The following THSD7B variants were observed in gnomAD, a reference collection of about 807,000 sequenced individuals.
The protein encoded by THSD7B is thrombospondin type-1 domain-containing protein 7B.
Under a neutral mutation model 213.6 loss-of-function variants are expected in THSD7B, and 138 were observed. The ratio of observed to expected loss-of-function variants is 0.65; its 90% confidence interval spans 0.56 to 0.74. The LOEUF (loss-of-function observed/expected upper bound fraction) is 0.74, where lower values mean the gene tolerates loss of function less well. Among genes scored for constraint, THSD7B ranks in the 30% least tolerant of loss-of-function variants. The pLI, the probability that THSD7B is intolerant of heterozygous loss-of-function variation, is 0.00. For missense variants in THSD7B, 1,931 were observed against 1,991.5 expected (o/e 0.97, Z 0.58); for synonymous variants, 742 against 687.0 (o/e 1.08, Z -1.25).
intron 1 of THSD7B, among the ~76,000 whole-genome samples, chr2:136,860,118 C>T (rs768597608): frequency 7.5e-5 from 11 of 146,328 alleles, no homozygotes; most frequent in African/African-American, 1.3e-4. Flanking sequence ...CCCGGGTTCA[C>T]GCCATTCTCC....
chr2:137,362,452 A>T (rs1685287610), intron 12 of THSD7B, among the ~76,000 whole-genome samples: 1 of 152,190 alleles, frequency 6.6e-6, no homozygotes, highest in African/African-American at 2.4e-5. Flanking sequence ...TTGGATAAAG[A>T]GTCAAGACCC....
At chr2:137,039,995 C>T (rs1319423411) in intron 2 of THSD7B, among the ~76,000 whole-genome samples, 1 of 152,174 alleles carries the variant, frequency 6.6e-6, no homozygotes, top group Non-Finnish European at 1.5e-5. Context: ...ACCTCTGCTC[C>T]TTCCCCACTG....
At chr2:137,498,166 A>G (rs930309338) in intron 15 of THSD7B, among the ~76,000 whole-genome samples, 4 of 152,208 alleles carry the variant, frequency 2.6e-5, no homozygotes, top group African/African-American at 9.6e-5. Context: ...GATAAGTGTG[A>G]AATTAAATTA....
intron 2 of THSD7B, among the ~76,000 whole-genome samples, chr2:136,949,741 G>A (rs1281340705): frequency 6.6e-6 from 1 of 152,146 alleles, no homozygotes; most frequent in East Asian, 1.9e-4. Context: ...CTGTGATGAG[G>A]CCTGAGAATA....
At chr2:136,878,183 T>A (rs2104987780) in intron 1 of THSD7B, among the ~76,000 whole-genome samples, 1 of 152,326 alleles carries the variant, frequency 6.6e-6, no homozygotes, top group South Asian at 2.1e-4. Flanking sequence ...TGGTTTTTTG[T>A]CCTTGCAATA....
chr2:137,346,478 T>TC (rs1684878676), intron 12 of THSD7B, among the ~76,000 whole-genome samples: 1 of 147,554 alleles, frequency 6.8e-6, no homozygotes, highest in African/African-American at 2.5e-5. Flanking sequence ...TAATATTCCA[T>TC]TCTCTCTCTC....
chr2:137,269,369 G>A (rs569957551), intron 10 of THSD7B, among the ~76,000 whole-genome samples: 9 of 152,318 alleles, frequency 5.9e-5, no homozygotes, highest in African/African-American at 2.2e-4. Flanking sequence ...CTGTATGCGA[G>A]TGTGTACCGT....
At chr2:137,539,667 A>T (rs566234778) in intron 15 of THSD7B, among the ~76,000 whole-genome samples, 1 of 151,836 alleles carries the variant, frequency 6.6e-6, no homozygotes, top group East Asian at 1.9e-4. Flanking sequence ...TGTTATAATG[A>T]TTTGTCGAGA....
chr2:137,086,529 G>A (rs1474316391), intron 3 of THSD7B, among the ~76,000 whole-genome samples: 3 of 152,072 alleles, frequency 2.0e-5, no homozygotes, highest in Admixed American at 2.0e-4. Context: ...GGTCCACTGG[G>A]TACTCCAGAA....
intron 14 of THSD7B, among the ~76,000 whole-genome samples, chr2:137,436,127 T>C (rs1687285484): frequency 6.6e-6 from 1 of 152,036 alleles, no homozygotes; most frequent in Admixed American, 6.6e-5. Context: ...TTAATGTATA[T>C]GTATTCCTGA....
rs572810297 is a variant in THSD7B at position 136,837,708 on chromosome 2, G to A, written c.-35-44436G>A. Among the ~76,000 whole-genome samples, 36 of 152,252 alleles carry A rather than the reference G, an allele frequency of 2.4e-4. No homozygotes were observed. The Middle Eastern group carries it at 0.01, about 43-fold the overall frequency. ...TCTCTAGAAACAGCATCTAGAATAT[G>A]GTGATGAATGAATGACTCAATGATG... On this transcript the variant is annotated intron_variant, in intron 1 of 27. Coordinates refer to ENST00000409968, the MANE Select transcript of THSD7B (RefSeq NM_001316349.2).
At chr2:136,832,181 G>GTT (rs1682767877) in intron 1 of THSD7B, among the ~76,000 whole-genome samples, 1 of 62,908 alleles carries the variant, frequency 1.6e-5, no homozygotes, top group Non-Finnish European at 4.0e-5. Flanking sequence ...CCTATTGTGT[G>GTT]TGTGTGTGTG....
In THSD7B at chr2:137,581,232, T is replaced by TAA. The variant is rs377218601; in HGVS notation, c.3423+8677_3423+8678dup. On this transcript the variant is annotated intron_variant, in intron 17 of 27. Transcript: ENST00000409968. Reference sequence around the variant, plus strand: ...TATTATTTTTAGAATTTGTCATTTATAAGTATGATAAAGCAGAGCTTCTAG... The same window carrying TAA: ...TATTATTTTTAGAATTTGTCATTTATAAAAGTATGATAAAGCAGAGCTTCTAG... 4.1e-3 allele frequency among the ~76,000 whole-genome samples: 628 copies of TAA among 152,346 alleles called. 3 individuals carry two copies. Among genetic ancestry groups the TAA allele is most frequent in the Middle Eastern group, 6.8e-3 (2 of 294 alleles).
intron 5 of THSD7B, among the ~76,000 whole-genome samples, chr2:137,126,163 A>G (rs1688625702): frequency 6.6e-6 from 1 of 152,190 alleles, no homozygotes; most frequent in African/African-American, 2.4e-5. Flanking sequence ...TCGGCCCCTA[A>G]TGAAAGAGTC....
At chr2:136,936,024 T>A (rs2105054175) in intron 2 of THSD7B, among the ~76,000 whole-genome samples, 1 of 149,766 alleles carries the variant, frequency 6.7e-6, no homozygotes, top group Non-Finnish European at 1.5e-5. Context: ...AATATATATA[T>A]AGTCGAGGCC....
At chr2:137,271,439 A>T (rs1682735150) in intron 10 of THSD7B, among the ~76,000 whole-genome samples, 2 of 128,558 alleles carry the variant, frequency 1.6e-5, no homozygotes, top group African/African-American at 3.1e-5. Flanking sequence ...AATATATATA[A>T]TATAATATAT....
intron 12 of THSD7B, among the ~76,000 whole-genome samples, chr2:137,315,633 T>C (rs1233193147): frequency 6.6e-6 from 1 of 152,194 alleles, no homozygotes; most frequent in African/African-American, 2.4e-5. Flanking sequence ...AAAGCCCCTC[T>C]ATCTCTAGAT....
At chr2:137,485,799 A>C (rs892821166) in intron 15 of THSD7B, among the ~76,000 whole-genome samples, 3 of 152,148 alleles carry the variant, frequency 2.0e-5, no homozygotes, top group Non-Finnish European at 4.4e-5. Context: ...CGGATCTCTC[A>C]GCAGAAACTC....
intron 12 of THSD7B, among the ~76,000 whole-genome samples, chr2:137,398,587 T>G (rs1419476670): frequency 1.3e-5 from 2 of 151,602 alleles, no homozygotes; most frequent in African/African-American, 4.8e-5. Flanking sequence ...CAGGGACATT[T>G]AAGTCTGCAG....
Sources: allele counts gnomAD v4.1 joint callset (sites outside exome capture counted in the v4.1 genomes callset), GRCh38; gene constraint gnomAD v4.1.1; transcripts MANE v1.5; gene names NCBI Gene and HGNC (gene_info 2026-07-23, HGNC 2026-07-21).